Variants in PPP1R3A observed in about 807,000 individuals in gnomAD.
PPP1R3A encodes protein phosphatase 1 regulatory subunit 3A.
A neutral mutation model predicts 41.7 loss-of-function variants in PPP1R3A; 29 were observed. That is an observed-to-expected ratio of 0.70 (90% CI 0.52 to 0.95). PPP1R3A has a LOEUF of 0.95. Among genes scored for constraint, PPP1R3A ranks in the 40% least tolerant of loss-of-function variants. The probability of loss-of-function intolerance (pLI) is 0.00; values close to 1 mark genes in which losing one functional copy is unlikely to be tolerated. For missense variants in PPP1R3A, 1,352 were observed against 1,292.4 expected, an observed-to-expected ratio of 1.05 and a Z score of -0.71; for synonymous variants, 485 against 453.4, an observed-to-expected ratio of 1.07 and a Z score of -0.89.
At position 113,902,705 on chromosome 7, in the gene PPP1R3A, C is replaced by T. The variant is rs150678999; in HGVS notation, c.782+15510G>A. On this transcript the variant is annotated intron_variant, in intron 1 of 3. Coordinates refer to ENST00000284601, the MANE Select transcript of PPP1R3A (RefSeq NM_002711.4). The stretch of plus-strand genomic sequence containing the variant: ...CAATTGTTACCTTCTCGATGAAGTG[C>T]ATTCTTTTGAGAAAGTGAAGGAAGA... 2.9e-3 allele frequency among the ~76,000 whole-genome samples: 436 copies of T among 151,974 alleles called. 2 individuals are homozygous for T. Among genetic ancestry groups the T allele is most frequent in the African/African-American group, 0.01 (416 of 41,502 alleles).
In PPP1R3A at chr7:113,877,854, G is replaced by A; in HGVS notation, c.3238C>T (p.Leu1080Phe). ...KYTNSKIPYF[L>F]LFLIFLITVY... ...GTTATAAGAAATATCAGAAACAAAA[G>A]GAAATAAGGTATTTTAGAGTTGGTA... Residue 1080 changes from leucine (L) to phenylalanine (F), a missense_variant, in exon 4 of 4, where the codon CTT becomes TTT. Physicochemically the swap from Leu to Phe is conservative, Grantham distance 22. Transcript: ENST00000284601. The A allele has an allele frequency of 3.7e-6, 6 of 1,610,628 alleles. No homozygotes were observed. Among genetic ancestry groups the A allele is most frequent in the Non-Finnish European group, 5.1e-6 (6 of 1,177,318 alleles).
At chr7:113,918,092 T>C in intron 1 of PPP1R3A, 123 bp downstream of exon 1, 1 of 953,992 alleles carries the variant, frequency 1.0e-6, no homozygotes, top group East Asian at 2.5e-5. Flanking sequence ...CCTGGCACCA[T>C]TGTTTTTTAC....
intron 1 of PPP1R3A, among the ~76,000 whole-genome samples, chr7:113,907,461 C>A (rs527819859): frequency 6.6e-6 from 1 of 151,406 alleles, no homozygotes; most frequent in South Asian, 2.1e-4. Context: ...GTCTGAGTTT[C>A]AGTTTCTTCA....
At chr7:113,884,143 A>G (rs1216254932) in intron 1 of PPP1R3A, among the ~76,000 whole-genome samples, 2 of 152,040 alleles carry the variant, frequency 1.3e-5, no homozygotes, top group Non-Finnish European at 2.9e-5. Flanking sequence ...CAACAATCCT[A>G]AAAAGGTTGA....
chr7:113,897,491 C>T (rs148871495), intron 1 of PPP1R3A, among the ~76,000 whole-genome samples: 18 of 150,772 alleles, frequency 1.2e-4, no homozygotes, highest in African/African-American at 4.1e-4. Context: ...TACTGGAGTT[C>T]GAAGCTGCAG....
At chr7:113,886,629 T>G (rs1796788954) in intron 1 of PPP1R3A, among the ~76,000 whole-genome samples, 1 of 152,032 alleles carries the variant, frequency 6.6e-6, no homozygotes, top group Admixed American at 6.6e-5. Flanking sequence ...CTGTTTTGGG[T>G]GGTTGTTTTG....
intron 1 of PPP1R3A, among the ~76,000 whole-genome samples, chr7:113,883,328 C>A (rs1584812896): frequency 2.0e-5 from 3 of 152,092 alleles, no homozygotes; most frequent in African/African-American, 7.2e-5. Flanking sequence ...ATTTGTGTAA[C>A]AAGAGTCTAG....
intron 3 of PPP1R3A, among the ~76,000 whole-genome samples, chr7:113,880,499 C>T (rs1011389121): frequency 1.3e-5 from 2 of 152,046 alleles, no homozygotes; most frequent in African/African-American, 2.4e-5. Context: ...GCTGCATTTA[C>T]ACTTGCTGTA....
At position 113,894,901 on chromosome 7, in the gene PPP1R3A, C is replaced by T. The variant is rs1796952511; in HGVS notation, c.783-12581G>A. 3.3e-5 allele frequency among the ~76,000 whole-genome samples: 5 copies of T among 151,916 alleles called. No individual in the cohort carries two copies. The South Asian group carries it at 8.3e-4, about 25-fold the overall frequency. On this transcript the variant is annotated intron_variant, in intron 1 of 3. Coordinates refer to ENST00000284601, the MANE Select transcript of PPP1R3A (RefSeq NM_002711.4). ...AAGAAAAGGTGATCTTAAATGTAAA[C>T]CAATATTCTCAGTATATGTTTGGAA...
intron 1 of PPP1R3A, among the ~76,000 whole-genome samples, chr7:113,909,592 T>C (rs1012666743): frequency 5.3e-5 from 8 of 151,988 alleles, no homozygotes; most frequent in South Asian, 2.1e-4. Flanking sequence ...GAGAATTCAG[T>C]TGATGATGGA....
At chr7:113,907,907 G>A (rs879358002) in intron 1 of PPP1R3A, among the ~76,000 whole-genome samples, 8 of 151,638 alleles carry the variant, frequency 5.3e-5, no homozygotes, top group South Asian at 2.1e-4. Flanking sequence ...TAATTTCTTC[G>A]CCTATAAATA....
intron 1 of PPP1R3A, among the ~76,000 whole-genome samples, chr7:113,902,510 C>T (rs1385591383): frequency 2.0e-5 from 3 of 151,924 alleles, no homozygotes; most frequent in African/African-American, 4.8e-5. Flanking sequence ...TGCCTCTCTG[C>T]GAGCTCTCTG....
chr7:113,914,568 A>G (rs961312106), intron 1 of PPP1R3A, among the ~76,000 whole-genome samples: 19 of 152,188 alleles, frequency 1.2e-4, no homozygotes, highest in Admixed American at 1.3e-4. Context: ...CTGAAAATTT[A>G]GAAGCCCTGA....
Position 113,878,736 on chromosome 7 carries a change from T to A in PPP1R3A, c.2356A>T (p.Thr786Ser). The A allele has an allele frequency of 6.2e-7, 1 of 1,613,428 alleles. No homozygotes were observed. The highest frequency in any genetic ancestry group is 8.5e-7 in the Non-Finnish European group (1 of 1,179,668). ...CCTACTGTATCTCGTTGACAAAGGG[T>A]ATAATGTGAATCATCATTTCTCCCT... Reference protein sequence around the residue: ...HEGRNDDSHYTLCQRDTVGVI... With the variant: ...HEGRNDDSHYSLCQRDTVGVI... Residue 786 changes from threonine to serine, a missense_variant, in exon 4 of 4, where the codon ACC becomes TCC. Thr to Ser is a moderately conservative substitution (Grantham distance 58, BLOSUM62 1). Transcript: ENST00000284601.
intron 1 of PPP1R3A, among the ~76,000 whole-genome samples, chr7:113,902,113 G>A (rs961968294): frequency 1.3e-5 from 2 of 151,634 alleles, no homozygotes; most frequent in Admixed American, 6.6e-5. Context: ...ACTCAGTCCT[G>A]TTCCTCTTCT....
chr7:113,882,371 T>C, intron 1 of PPP1R3A, 51 bp from the exon 2 acceptor site: 1 of 1,107,606 alleles, frequency 9.0e-7, no homozygotes, highest in Non-Finnish European at 1.3e-6. Context: ...CTGCATCTTC[T>C]AAGTATTTTT....
At chr7:113,904,275 C>T (rs1157482638) in intron 1 of PPP1R3A, among the ~76,000 whole-genome samples, 4 of 151,646 alleles carry the variant, frequency 2.6e-5, no homozygotes, top group African/African-American at 4.8e-5. Context: ...AACCCAGCTT[C>T]GCCTGCTATA....
rs1161691322 is a variant in PPP1R3A at position 113,878,162 on chromosome 7, G to C, written c.2930C>G (p.Ser977Cys). 6.2e-7 allele frequency: 1 copy of C among 1,613,116 alleles called. No individual in the cohort carries two copies. Among genetic ancestry groups the C allele is most frequent in the Non-Finnish European group, 8.5e-7 (1 of 1,179,564 alleles). ...TGATGTCACTATTCCTGAACTTCTG[G>C]AAACTTCTTCAGGTTTAGACTCAGG... Reference protein sequence around the residue: ...PYPESKPEEVSRSSGIVTSGS... With the variant: ...PYPESKPEEVCRSSGIVTSGS... Residue 977 changes from serine to cysteine, a missense_variant, in exon 4 of 4, where the codon TCC becomes TGC. Ser to Cys is a moderately radical substitution (Grantham distance 112). Transcript: ENST00000284601.
chr7:113,888,445 A>C (rs576376266), intron 1 of PPP1R3A, among the ~76,000 whole-genome samples: 1 of 152,298 alleles, frequency 6.6e-6, no homozygotes, highest in East Asian at 1.9e-4. Context: ...TTGTAGCATC[A>C]ATATGCTGTA....
Sources: allele counts gnomAD v4.1 joint callset (sites outside exome capture counted in the v4.1 genomes callset), GRCh38; gene constraint gnomAD v4.1.1; transcripts MANE v1.5; gene names NCBI Gene and HGNC (gene_info 2026-07-23, HGNC 2026-07-21).